The following RBFOX1 variants were observed in gnomAD, a reference collection of about 807,000 sequenced individuals.
RBFOX1 encodes the protein RNA binding fox-1 homolog 1, also known as RNA binding protein fox-1 homolog 1.
RBFOX1 carries 8 observed loss-of-function variants against 57.7 expected under a neutral mutation model. The ratio of observed to expected loss-of-function variants is 0.14; its 90% CI spans 0.08 to 0.25. The LOEUF is 0.25. Among genes scored for constraint, RBFOX1 ranks in the 10% least tolerant of loss-of-function variants. The pLI, the probability that RBFOX1 is intolerant of heterozygous loss-of-function variation, is 1.00. For synonymous variants in RBFOX1, 326 were observed against 222.4 expected, an observed-to-expected ratio of 1.47 and a Z score of -4.15; for missense variants, 611 against 548.5, an observed-to-expected ratio of 1.11 and a Z score of -1.14.
chr16:6,263,975 GC>G (rs2097717420), intron 1 of RBFOX1, among the ~76,000 whole-genome samples: 2 of 152,244 alleles, frequency 1.3e-5, no homozygotes, highest in African/African-American at 4.8e-5. Flanking sequence ...TGCAAGTGGG[GC>G]TAAAACATTT....
intron 3 of RBFOX1, among the ~76,000 whole-genome samples, chr16:6,657,732 C>T (rs1207335892): frequency 6.6e-6 from 1 of 152,082 alleles, no homozygotes; most frequent in South Asian, 2.1e-4. Flanking sequence ...ATAAGTAAAC[C>T]TGTCTCTGAA....
intron 1 of RBFOX1, among the ~76,000 whole-genome samples, chr16:5,320,146 G>A (rs1463457811): frequency 1.3e-5 from 2 of 152,198 alleles, no homozygotes; most frequent in Non-Finnish European, 2.9e-5. Context: ...ATGAACATGT[G>A]TTTATGTGCA....
At chr16:6,212,646 G>A (rs1251278085) in intron 1 of RBFOX1, among the ~76,000 whole-genome samples, 1 of 152,168 alleles carries the variant, frequency 6.6e-6, no homozygotes, top group Non-Finnish European at 1.5e-5. Flanking sequence ...GGTGGAGCTT[G>A]CAGTGAGCTG....
intron 2 of RBFOX1, among the ~76,000 whole-genome samples, chr16:6,563,182 C>G (rs927454860): frequency 1.3e-5 from 2 of 152,090 alleles, no homozygotes; most frequent in Non-Finnish European, 1.5e-5. Context: ...GACTCTGTCT[C>G]TCTGAATTAG....
intron 10 of RBFOX1, among the ~76,000 whole-genome samples, chr16:7,616,483 G>A (rs1025508123): frequency 6.6e-6 from 1 of 152,180 alleles, no homozygotes; most frequent in Non-Finnish European, 1.5e-5. Flanking sequence ...TGAGGAACAG[G>A]AATTCACCAT....
chr16:6,970,476 C>A (rs1177819108), intron 3 of RBFOX1, among the ~76,000 whole-genome samples: 2 of 152,120 alleles, frequency 1.3e-5, no homozygotes, highest in Non-Finnish European at 2.9e-5. Context: ...GAGTACATTG[C>A]TCACAGTTCT....
intron 5 of RBFOX1, among the ~76,000 whole-genome samples, chr16:7,526,277 G>T (rs1447526471): frequency 6.6e-6 from 1 of 152,136 alleles, no homozygotes; most frequent in Non-Finnish European, 1.5e-5. Flanking sequence ...GGGGACTGCT[G>T]CCCTAGAGGA....
chr16:6,210,345 C>CAAAAAAACA lies in RBFOX1; in HGVS notation c.-126-106643_-126-106642insCAAAAAAAA, dbSNP rs2097285906. On this transcript the variant is annotated intron_variant, in intron 1 of 15. Transcript: ENST00000550418. ...AAAAAAAAACAAAAAAACAAAAAAA[C>CAAAAAAACA]AAAAAAAAAAAACACCAAAAAAAAA... Among the ~76,000 whole-genome samples the CAAAAAAACA allele has an allele frequency of 5.0e-4, 13 of 26,002 alleles. No individual in the cohort carries two copies. The South Asian group carries it at 0.019, about 37-fold the overall frequency. The allele number at this position is 26,002 out of a possible 152,430, so 17.1% of individuals were successfully genotyped here.
intron 3 of RBFOX1, among the ~76,000 whole-genome samples, chr16:6,736,462 C>T (rs919015548): frequency 2.0e-5 from 3 of 152,160 alleles, no homozygotes; most frequent in African/African-American, 7.2e-5. Flanking sequence ...CTAATCTCAT[C>T]CATGTCATTG....
intron 3 of RBFOX1, among the ~76,000 whole-genome samples, chr16:6,855,640 G>A (rs1293285236): frequency 1.5e-5 from 2 of 136,846 alleles, no homozygotes; most frequent in Non-Finnish European, 3.0e-5. Flanking sequence ...GCAACAGAGT[G>A]AGACTCCATC....
At chr16:7,298,729 A>G (rs1371593325) in intron 4 of RBFOX1, among the ~76,000 whole-genome samples, 1 of 152,242 alleles carries the variant, frequency 6.6e-6, no homozygotes, top group East Asian at 1.9e-4. Flanking sequence ...AAGCTAGGGT[A>G]AAGAAAATAT....
chr16:7,252,864 A>G (rs2094544371), intron 4 of RBFOX1, among the ~76,000 whole-genome samples: 1 of 152,116 alleles, frequency 6.6e-6, no homozygotes, highest in Admixed American at 6.6e-5. Context: ...ATCTTTCCCT[A>G]ACTCATATGA....
chr16:6,376,117 C>A (rs2091141581), intron 2 of RBFOX1, among the ~76,000 whole-genome samples: 1 of 152,164 alleles, frequency 6.6e-6, no homozygotes, highest in African/African-American at 2.4e-5. Context: ...AATGAGCTCT[C>A]ATATCACATT....
intron 2 of RBFOX1, among the ~76,000 whole-genome samples, chr16:6,452,280 A>G (rs1398911233): frequency 6.8e-6 from 1 of 147,820 alleles, no homozygotes; most frequent in Non-Finnish European, 1.5e-5. Context: ...CCTTCCTTCC[A>G]TGACTCCATC....
At chr16:5,319,759 C>A (rs2064349659) in intron 1 of RBFOX1, among the ~76,000 whole-genome samples, 2 of 152,210 alleles carry the variant, frequency 1.3e-5, no homozygotes, top group African/African-American at 2.4e-5. Flanking sequence ...TTGTTGTCCA[C>A]AAGACAGTTT....
chr16:7,092,199 C>G (rs534622694), intron 4 of RBFOX1, among the ~76,000 whole-genome samples: 19 of 152,262 alleles, frequency 1.2e-4, no homozygotes, highest in African/African-American at 4.6e-4. Context: ...AGGTATACCA[C>G]TGTTTTATTA....
rs1555600461 is a variant in RBFOX1 at position 7,225,905 on chromosome 16, A to AATATATATATAT, written c.27+173811_27+173822dup. ...GTACCCTAGAACTTAAAGTATAATA[A>AATATATATATAT]ATATATATATATATAAATGTGAATG... On this transcript the variant is annotated intron_variant, in intron 4 of 15. Coordinates refer to ENST00000550418, the MANE Select transcript of RBFOX1 (RefSeq NM_018723.4). Among the ~76,000 whole-genome samples the AATATATATATAT allele has an allele frequency of 7.4e-4, 69 of 93,708 alleles. 2 individuals carry two copies. The highest frequency in any genetic ancestry group is 0.011 in the Middle Eastern group (2 of 182). 61.5% of individuals were successfully genotyped at this position (93,708 alleles called of 152,430 possible).
chr16:6,113,586 G>T (rs979650636), intron 1 of RBFOX1, among the ~76,000 whole-genome samples: 2 of 152,144 alleles, frequency 1.3e-5, no homozygotes, highest in Non-Finnish European at 2.9e-5. Flanking sequence ...GCCTGTCTCC[G>T]CATTTGTTGA....
chr16:5,551,169 A>G (rs1054741151), intron 2 of RBFOX1, among the ~76,000 whole-genome samples: 3 of 152,140 alleles, frequency 2.0e-5, no homozygotes, highest in Non-Finnish European at 2.9e-5. Flanking sequence ...CTGGCTTGAG[A>G]TAAGTAACTG....
Sources: allele counts gnomAD v4.1 joint callset (sites outside exome capture counted in the v4.1 genomes callset), GRCh38; gene constraint gnomAD v4.1.1; transcripts MANE v1.5; gene names NCBI Gene and HGNC (gene_info 2026-07-23, HGNC 2026-07-21).